DISP3: variants seen among roughly 807,000 people sequenced by gnomAD.
DISP3 encodes the protein protein dispatched homolog 3.
In DISP3, 101 loss-of-function variants were observed where a neutral mutation model predicts 135.3. That is an observed-to-expected ratio of 0.75 (90% CI 0.64 to 0.88). DISP3 has a LOEUF of 0.88. Among genes scored for constraint, DISP3 ranks in the 40% least tolerant of loss-of-function variants. DISP3 has a pLI of 0.00. For synonymous variants in DISP3, 856 were observed against 817.0 expected (o/e 1.05, Z -0.81); for missense variants, 1,713 against 1,878.6 (o/e 0.91, Z 1.63).
chr1:11,500,880 T>C lies in DISP3; in HGVS notation c.-3-110T>C. 3.4e-6 allele frequency: 4 copies of C among 1,185,508 alleles called. No individual in the cohort carries two copies. The South Asian group carries it at 5.9e-5, about 17-fold the overall frequency. The allele number at this position is 1,185,508 out of a possible 1,614,324, so 73.4% of individuals were successfully genotyped here. A position where few individuals can be genotyped will look rare whatever the true frequency, so the allele number is the denominator to read the frequency against. On this transcript the variant is annotated intron_variant, in intron 1 of 20. Coordinates refer to ENST00000294484, the MANE Select transcript of DISP3 (RefSeq NM_020780.2). ...TGATGCAATTCCATTGCAGTATTAG[T>C]ATTTGGTTATGAGTGGACAGGGTTG...
Position 11,531,106 on chromosome 1 carries a change from C to T in DISP3, c.3229+73C>T. 6.3e-7 allele frequency: 1 copy of T among 1,590,636 alleles called. No individual in the cohort carries two copies. The highest frequency in any genetic ancestry group is 8.5e-7 in the Non-Finnish European group (1 of 1,171,584). On this transcript the variant is annotated intron_variant, in intron 16 of 20. Coordinates refer to ENST00000294484, the MANE Select transcript of DISP3 (RefSeq NM_020780.2). This position sits in a 1 kb window ranked among gnomAD's most constrained non-coding sequence, Gnocchi z 5.2. Reference sequence around the variant, plus strand: ...CTGGGGAGGCACAGAGGCCGTGGTCCAAGGTAGACAGCCCGAAGGACAGTG... The same window carrying T: ...CTGGGGAGGCACAGAGGCCGTGGTCTAAGGTAGACAGCCCGAAGGACAGTG...
chr1:11,535,685 G>T, intron 20 of DISP3, 41 bp downstream of exon 20: 1 of 1,582,888 alleles, frequency 6.3e-7, no homozygotes. Context: ...CACCACATTG[G>T]GTCTTCTCCC....
Position 11,536,789 on chromosome 1 carries a change from C to T in DISP3, c.*103C>T. The T allele has an allele frequency of 1.4e-6, 2 of 1,399,940 alleles. No individual in the cohort carries two copies. Among genetic ancestry groups the T allele is most frequent in the Non-Finnish European group, 1.9e-6 (2 of 1,067,346 alleles). The allele number at this position is 1,399,940 out of a possible 1,614,324, so 86.7% of individuals were successfully genotyped here. ...CTAGCTGTGTCCCCAGGCCTGGGCC[C>T]AGGGCGCCCTGCGGGCCAGCGTGGA... On this transcript the variant is annotated 3_prime_UTR_variant, in exon 21 of 21. Transcript: ENST00000294484. This position sits in a 1 kb window ranked among gnomAD's most constrained non-coding sequence, Gnocchi z 4.3.
chr1:11,535,630 C>A lies in DISP3; in HGVS notation c.3802C>A (p.Pro1268Thr), dbSNP rs189867539. ...GYLLAGENLP[P>T]HQAEDARTQR... ...CCTGCTGGCTGGAGAGAACCTGCCC[C>A]CCCACCAGGCCGAGGTGCGCACCCT... The change falls in exon 20 of 21, where the codon CCC becomes ACC. Residue 1268 changes from proline to threonine, a missense_variant. Physicochemically the swap from Pro to Thr is conservative, Grantham distance 38 (BLOSUM62 -1). This residue lies in a region of DISP3 where 1,142 missense variants were observed against 1,384.6 expected (regional missense o/e 0.82). Transcript: ENST00000294484. 1.2e-6 allele frequency: 2 copies of A among 1,612,260 alleles called. No homozygotes were observed. The highest frequency in any genetic ancestry group is 1.7e-6 in the Non-Finnish European group (2 of 1,179,698).
intron 1 of DISP3, among the ~76,000 whole-genome samples, chr1:11,493,763 T>A (rs369544784): frequency 2.1e-4 from 32 of 152,020 alleles, no homozygotes; most frequent in East Asian, 3.9e-4. Flanking sequence ...ACTCTCTCTC[T>A]CACACACACA....
In DISP3 at chr1:11,536,657, A is replaced by AT; in HGVS notation, c.4152dup (p.Pro1385SerfsTer54). ...CGTGCTCCTGCAGAGCGGCTATAAG[A>AT]TTCCCCTGCCCGCAGGGGCCTCCCT... On this transcript the variant is annotated frameshift_variant, in exon 21 of 21. Coordinates refer to ENST00000294484, the MANE Select transcript of DISP3 (RefSeq NM_020780.2). LOFTEE classifies it high-confidence loss of function. The surrounding 1 kb of genome is among the most constrained non-coding windows in gnomAD (Gnocchi z 4.3). The AT allele has an allele frequency of 1.3e-6, 2 of 1,589,236 alleles. No individual in the cohort carries two copies. The highest frequency in any genetic ancestry group is 8.6e-7 in the Non-Finnish European group (1 of 1,168,842).
At chr1:11,523,765 A>G (rs1007803537) in intron 10 of DISP3, among the ~76,000 whole-genome samples, 177 bp from the exon 11 acceptor site, 1 of 152,008 alleles carries the variant, frequency 6.6e-6, no homozygotes, top group African/African-American at 2.4e-5. Context: ...TAAATTTGGT[A>G]TTTGATTTTT....
chr1:11,517,708 C>A, intron 7 of DISP3, 106 bp downstream of exon 7: 1 of 1,392,986 alleles, frequency 7.2e-7, no homozygotes, highest in East Asian at 2.4e-5. Flanking sequence ...ATGACCAGTC[C>A]TTTGCTAGGC....
chr1:11,507,449 GC>G (rs1641737902), intron 3 of DISP3, among the ~76,000 whole-genome samples: 1 of 152,098 alleles, frequency 6.6e-6, no homozygotes, highest in Non-Finnish European at 1.5e-5. Flanking sequence ...GGTTTTTTTG[GC>G]TTCAGGCCCC....
rs2100372295 is a variant in DISP3, at chr1:11,491,290, T to G, written c.-3-9700T>G. On this transcript the variant is annotated intron_variant, in intron 1 of 20. Coordinates refer to ENST00000294484, the MANE Select transcript of DISP3 (RefSeq NM_020780.2). The surrounding 1 kb of genome is among the most constrained non-coding windows in gnomAD (Gnocchi z 4.3). ...TGCTTCTGGACCGCCTGTATCAGAA[T>G]CACCTGGGGAGGTGGTTTAAATACA... Among the ~76,000 whole-genome samples, 1 of 152,292 alleles carries G rather than the reference T, an allele frequency of 6.6e-6. No individual in the cohort carries two copies. Among genetic ancestry groups the G allele is most frequent in the African/African-American group, 2.4e-5 (1 of 41,548 alleles).
chr1:11,536,320 C>T lies in DISP3; in HGVS notation c.3817-4C>T. On this transcript the variant is annotated splice_polypyrimidine_tract_variant and splice_region_variant and intron_variant, in intron 20 of 20. Transcript: ENST00000294484. The surrounding 1 kb of genome is among the most constrained non-coding windows in gnomAD (Gnocchi z 4.3). ...TGGGCTCCCAGCTCTCCTCTTGCCC[C>T]CAGGACGCCCGAACGCAGCGCCAGT... The T allele has an allele frequency of 1.9e-6, 3 of 1,595,332 alleles. No individual in the cohort carries two copies. Among genetic ancestry groups the T allele is most frequent in the African/African-American group, 1.3e-5 (1 of 74,966 alleles).
At chr1:11,522,585 A>AG (rs1642236411) in intron 10 of DISP3, among the ~76,000 whole-genome samples, 189 of 88,452 alleles carry the variant, frequency 2.1e-3, no homozygotes, top group East Asian at 6.0e-3. Context: ...CCCAGCCAAG[A>AG]CCCAGCCAGG....
intron 3 of DISP3, among the ~76,000 whole-genome samples, 173 bp downstream of exon 3, chr1:11,503,070 G>A (rs1433857575): frequency 2.6e-5 from 4 of 152,196 alleles, no homozygotes; most frequent in East Asian, 1.9e-4. Flanking sequence ...ATGGAAGTAC[G>A]CTTTGCTTGA....
At position 11,531,407 on chromosome 1, in the gene DISP3, C is replaced by T. The variant is rs868198847; in HGVS notation, c.3230-158C>T. Among the ~76,000 whole-genome samples, 3 of 152,132 alleles carry T rather than the reference C, an allele frequency of 2.0e-5. No individual in the cohort carries two copies. Among genetic ancestry groups the T allele is most frequent in the Non-Finnish European group, 4.4e-5 (3 of 68,012 alleles). On this transcript the variant is annotated intron_variant, in intron 16 of 20. Coordinates refer to ENST00000294484, the MANE Select transcript of DISP3 (RefSeq NM_020780.2). This position sits in a 1 kb window ranked among gnomAD's most constrained non-coding sequence, Gnocchi z 5.2. ...GGGGCCCACAGGTCATGTTCCACCCCGATGGCAAATGCATGTTGTAGGTTT... is the reference window on the plus strand; with the variant it reads ...GGGGCCCACAGGTCATGTTCCACCCTGATGGCAAATGCATGTTGTAGGTTT...
intron 1 of DISP3, among the ~76,000 whole-genome samples, chr1:11,495,252 G>A (rs939037973): frequency 2.0e-5 from 3 of 152,120 alleles, no homozygotes; most frequent in Non-Finnish European, 2.9e-5. Context: ...TTAGCCAGGC[G>A]TGGTGGTGCA....
At chr1:11,535,697 C>G in intron 20 of DISP3, 53 bp downstream of exon 20, 1 of 1,568,282 alleles carries the variant, frequency 6.4e-7, no homozygotes, top group Non-Finnish European at 8.6e-7. Context: ...TCTTCTCCCA[C>G]CTGGGTGCAG....
chr1:11,482,567 T>G (rs1640930253), intron 1 of DISP3, among the ~76,000 whole-genome samples: 1 of 151,822 alleles, frequency 6.6e-6, no homozygotes, highest in South Asian at 2.1e-4. Context: ...AATGGTGGGG[T>G]GGTAGTAGTG....
chr1:11,487,382 C>T (rs1207504363), intron 1 of DISP3, among the ~76,000 whole-genome samples: 1 of 152,224 alleles, frequency 6.6e-6, no homozygotes, highest in Non-Finnish European at 1.5e-5. Context: ...GAGCCCAGCT[C>T]TGGGGTAATG....
chr1:11,500,200 C>A (rs1033643841), intron 1 of DISP3, among the ~76,000 whole-genome samples: 1 of 152,228 alleles, frequency 6.6e-6, no homozygotes, highest in Non-Finnish European at 1.5e-5. Flanking sequence ...AGTGCTGCAG[C>A]TGCAGCACCC....
Sources: gnomAD v4.1 joint callset for allele counts (sites outside exome capture counted in the v4.1 genomes callset) on GRCh38, gnomAD v4.1.1 for gene constraint, gnomAD v4.1.1 regional missense constraint, Gnocchi (gnomAD v3.1) non-coding constraint, MANE v1.5 for transcripts, NCBI Gene and HGNC (gene_info 2026-07-23, HGNC 2026-07-21) for gene names.